The following TRAPPC3 variants were observed in gnomAD, a reference collection of about 807,000 sequenced individuals.
TRAPPC3 encodes trafficking protein particle complex subunit 3.
In TRAPPC3, 5 loss-of-function variants were observed where a neutral mutation model predicts 18.2. That is an observed-to-expected ratio of 0.28 (90% confidence interval 0.14 to 0.58). The LOEUF (loss-of-function observed/expected upper bound fraction) is 0.58. Ranked by LOEUF, TRAPPC3 falls within the 20% of genes least tolerant of loss-of-function variation. TRAPPC3 has a pLI of 0.91. For synonymous variants in TRAPPC3, 65 were observed against 84.2 expected (o/e 0.77, Z 1.25); for missense variants, 176 against 225.9 (o/e 0.78, Z 1.41).
intron 1 of TRAPPC3, among the ~76,000 whole-genome samples, chr1:36,141,995 A>G (rs1047329652): frequency 6.6e-6 from 1 of 150,584 alleles, no homozygotes; most frequent in Admixed American, 6.6e-5. Context: ...AACGTGCCCA[A>G]GGACAAACAG....
chr1:36,147,775 TAGA>T (rs1468971536), intron 1 of TRAPPC3, among the ~76,000 whole-genome samples: 1 of 152,116 alleles, frequency 6.6e-6, no homozygotes, highest in Non-Finnish European at 1.5e-5. Context: ...AGTGACTATC[TAGA>T]AGAAGGGAGT....
At chr1:36,137,666 C>A (rs1196748991) in intron 4 of TRAPPC3, 130 bp downstream of exon 4, 4 of 951,246 alleles carry the variant, frequency 4.2e-6, no homozygotes, top group Non-Finnish European at 6.2e-6. Context: ...ACCTCAGCAG[C>A]ATCACCATCT....
upstream of TRAPPC3, among the ~76,000 whole-genome samples, chr1:36,152,318 C>CT (rs1170102629): frequency 1.9e-3 from 268 of 144,510 alleles, no homozygotes; most frequent in Non-Finnish European, 2.5e-3. Context: ...TTTTGTCCTC[C>CT]TTTTTTTTTG....
In TRAPPC3 at chr1:36,149,078, T is replaced by C. The variant is rs115723685; in HGVS notation, c.42+259A>G. 10,944 of 1,392,354 alleles carry C rather than the reference T, an allele frequency of 7.9e-3. 723 individuals carry two copies. The African/African-American group carries it at 0.14, about 18-fold the overall frequency. 86.2% of individuals were successfully genotyped at this position (1,392,354 alleles called of 1,614,324 possible). ...TAAGAGAGAAGTTAAGTGGCAGTTA[T>C]TGGTATTTATTACCGTCGTTGTTGT... is the stretch of plus-strand genomic sequence containing the variant. On this transcript the variant is annotated intron_variant, in intron 1 of 4. Coordinates refer to ENST00000373166, the MANE Select transcript of TRAPPC3 (RefSeq NM_014408.5).
chr1:36,139,892 G>A, intron 2 of TRAPPC3, 73 bp from the exon 3 acceptor site: 1 of 1,581,392 alleles, frequency 6.3e-7, no homozygotes, highest in Non-Finnish European at 8.6e-7. Context: ...GTTGTTGGTG[G>A]TAAAGGGAAA....
At chr1:36,153,715 C>T (rs866243880), upstream of TRAPPC3, among the ~76,000 whole-genome samples, 1 of 152,152 alleles carries the variant, frequency 6.6e-6, no homozygotes, top group Non-Finnish European at 1.5e-5. Flanking sequence ...CTAAACATGG[C>T]TAAATGTCTC....
chr1:36,149,357 C>T lies in TRAPPC3; in HGVS notation c.22G>A (p.Gly8Ser). The part of the protein sequence containing the change: MSRQANR[G>S]TESKKMSSEL... The stretch of plus-strand genomic sequence containing the variant: ...GTTACCATTTTCTTGCTCTCGGTGC[C>T]ACGGTTCGCCTGCCTCGACATGGTG... The change falls in exon 1 of 5, where the codon GGC becomes AGC. Residue 8 changes from glycine (G) to serine (S), a missense_variant. Transcript: ENST00000373166. The T allele has an allele frequency of 1.2e-6, 2 of 1,613,360 alleles. No homozygotes were observed. Among genetic ancestry groups the T allele is most frequent in the South Asian group, 1.1e-5 (1 of 91,008 alleles).
rs758862062 is a variant in TRAPPC3 at position 36,137,833 on chromosome 1, T to C, written c.386A>G (p.Asn129Ser). 1.1e-5 allele frequency: 17 copies of C among 1,614,016 alleles called. No homozygotes were observed. The highest frequency in any genetic ancestry group is 4.5e-5 in the East Asian group (2 of 44,882). The change falls in exon 4 of 5, where the codon AAT (asparagine) becomes AGT (serine). Residue 129 changes from asparagine (N) to serine (S), a missense_variant. By Grantham distance (46) the Asn-to-Ser change is conservative (BLOSUM62 1). Coordinates refer to ENST00000373166, the MANE Select transcript of TRAPPC3 (RefSeq NM_014408.5). ...TCCCCGCAACACCCCACACAAGAGA[T>C]TGGAATAAATAAGGGATGAGTGGTT... The part of the protein sequence containing the change: ...PDNHSSLIYS[N>S]LLCGVLRGAL...
chr1:36,155,560 C>T (rs1450810648), intron 1 of TRAPPC3: 1 of 152,606 alleles, frequency 6.6e-6, no homozygotes, highest in African/African-American at 2.4e-5. Context: ...GTAATTACCC[C>T]CAGAGGAGCA....
At chr1:36,142,721 CCT>C (rs1168220186) in intron 1 of TRAPPC3, among the ~76,000 whole-genome samples, 1 of 152,106 alleles carries the variant, frequency 6.6e-6, no homozygotes, top group African/African-American at 2.4e-5. Flanking sequence ...AACTTAAAGG[CCT>C]TTATGCTTTA....
intron 1 of TRAPPC3, among the ~76,000 whole-genome samples, chr1:36,142,081 T>C (rs1438580769): frequency 6.6e-6 from 1 of 151,232 alleles, no homozygotes; most frequent in Non-Finnish European, 1.5e-5. Context: ...TATCCACTCT[T>C]CCCCACAACT....
intron 1 of TRAPPC3, chr1:36,155,629 C>CCCCAG (rs1238902233): frequency 6.5e-6 from 1 of 152,866 alleles, no homozygotes; most frequent in Non-Finnish European, 1.5e-5. Flanking sequence ...CCAGACCTGT[C>CCCCAG]CCCAGCCCAG....
intron 1 of TRAPPC3, among the ~76,000 whole-genome samples, chr1:36,144,517 G>A (rs1343590214): frequency 3.3e-5 from 5 of 152,110 alleles, no homozygotes; most frequent in Non-Finnish European, 7.4e-5. Flanking sequence ...AGCTGGGCAT[G>A]GTGGTACATG....
intron 1 of TRAPPC3, among the ~76,000 whole-genome samples, chr1:36,143,744 G>C (rs778274014): frequency 6.6e-5 from 10 of 152,162 alleles, no homozygotes; most frequent in Admixed American, 2.0e-4. Context: ...TTAAGTAACT[G>C]AGACTCAACA....
Position 36,143,328 on chromosome 1 carries a change from T to C in TRAPPC3, c.43-3162A>G, listed in dbSNP as rs112730601. ...TGATATTTGGTAAGCCATGAAGATATCTGGATAGATAGCTGGTCTAGAAAA... is the reference window on the plus strand; with the variant it reads ...TGATATTTGGTAAGCCATGAAGATACCTGGATAGATAGCTGGTCTAGAAAA... On this transcript the variant is annotated intron_variant, in intron 1 of 4. Transcript: ENST00000373166. 3.6e-3 allele frequency among the ~76,000 whole-genome samples: 546 copies of C among 152,320 alleles called. 3 individuals are homozygous for C. The highest frequency in any genetic ancestry group is 0.012 in the African/African-American group (513 of 41,558).
At chr1:36,139,468 T>C in intron 3 of TRAPPC3, 1 of 469,000 alleles carries the variant, frequency 2.1e-6, no homozygotes, top group South Asian at 2.6e-5. Context: ...GTCTGTATTC[T>C]TTACCCCCAT....
Position 36,149,319 on chromosome 1 carries a change from T to A in TRAPPC3, c.42+18A>T. ...CTCAATTTCGCCCCGCCCGCCGAGG[T>A]CACGCGCTCCAAGTTACCATTTTCT... On this transcript the variant is annotated intron_variant, in intron 1 of 4. Coordinates refer to ENST00000373166, the MANE Select transcript of TRAPPC3 (RefSeq NM_014408.5). 5 of 1,612,826 alleles carry A rather than the reference T, an allele frequency of 3.1e-6. No individual in the cohort carries two copies. The highest frequency in any genetic ancestry group is 3.4e-6 in the Non-Finnish European group (4 of 1,179,660).
At chr1:36,152,847 T>G (rs1045718552), upstream of TRAPPC3, among the ~76,000 whole-genome samples, 1 of 152,134 alleles carries the variant, frequency 6.6e-6, no homozygotes, top group Admixed American at 6.5e-5. Flanking sequence ...AGACAGGGTT[T>G]CGCCATGTTG....
chr1:36,149,018 G>T lies in TRAPPC3; in HGVS notation c.42+319C>A, dbSNP rs548295052. The T allele has an allele frequency of 3.3e-6, 4 of 1,229,488 alleles. No individual in the cohort carries two copies. The South Asian group carries it at 5.6e-5, about 17-fold the overall frequency. The allele number at this position is 1,229,488 out of a possible 1,614,324, so 76.2% of individuals were successfully genotyped here. ...GGCTACTCTGCAGATTAACTGAGATGCTGTAACGTGCGTGGCCCGGTGCCC... is the reference window on the plus strand; with the variant it reads ...GGCTACTCTGCAGATTAACTGAGATTCTGTAACGTGCGTGGCCCGGTGCCC... On this transcript the variant is annotated intron_variant, in intron 1 of 4. Transcript: ENST00000373166.
Sources: allele counts gnomAD v4.1 joint callset (sites outside exome capture counted in the v4.1 genomes callset), GRCh38; gene constraint gnomAD v4.1.1; transcripts MANE v1.5; gene names NCBI Gene and HGNC (gene_info 2026-07-23, HGNC 2026-07-21).